The following HECW2 variants were observed in gnomAD, a reference collection of about 807,000 sequenced individuals.
HECW2 encodes the protein E3 ubiquitin-protein ligase HECW2.
Under a neutral mutation model 175.2 loss-of-function variants are expected in HECW2, and 61 were observed. The observed-to-expected ratio is 0.35, with a 90% CI of 0.28 to 0.43. HECW2 has a LOEUF of 0.43. Ranked by LOEUF, HECW2 falls within the 20% of genes least tolerant of loss-of-function variation. The pLI is 1.00. For synonymous variants in HECW2, 671 were observed against 731.0 expected, an observed-to-expected ratio of 0.92 and a Z score of 1.32; for missense variants, 1,524 against 2,000.5, an observed-to-expected ratio of 0.76 and a Z score of 4.54.
At chr2:196,230,551 G>GTGAGAATTCCTTCTCTAC (rs1426351353) in intron 21 of HECW2, among the ~76,000 whole-genome samples, 1 of 152,106 alleles carries the variant, frequency 6.6e-6, no homozygotes, top group Non-Finnish European at 1.5e-5. Flanking sequence ...CAGGGCAGGG[G>GTGAGAATTCCTTCTCTAC]TGAGAATTCC....
intron 1 of HECW2, among the ~76,000 whole-genome samples, chr2:196,510,623 C>T (rs1406484987): frequency 2.6e-5 from 4 of 151,608 alleles, no homozygotes; most frequent in Non-Finnish European, 5.9e-5. Context: ...TTCCATCCCT[C>T]AATACTAAAG....
chr2:196,361,779 G>A, intron 2 of HECW2: 1 of 982,314 alleles, frequency 1.0e-6, no homozygotes, highest in Non-Finnish European at 1.2e-6. Flanking sequence ...AGTGACAGTG[G>A]AATTCATTCC....
At chr2:196,556,101 A>C (rs1559173980) in intron 1 of HECW2, among the ~76,000 whole-genome samples, 1 of 152,178 alleles carries the variant, frequency 6.6e-6, no homozygotes, top group Non-Finnish European at 1.5e-5. Flanking sequence ...GCACAGTTTT[A>C]ATTTTATTTG....
intron 12 of HECW2, 24 bp downstream of exon 12, chr2:196,307,105 CA>C: frequency 6.6e-7 from 1 of 1,519,372 alleles, no homozygotes; most frequent in Non-Finnish European, 9.1e-7. Flanking sequence ...TATGAAATTA[CA>C]AAAACAAAGC....
At chr2:196,283,543 C>T (rs1376475525) in intron 14 of HECW2, among the ~76,000 whole-genome samples, 1 of 151,778 alleles carries the variant, frequency 6.6e-6, no homozygotes, top group Non-Finnish European at 1.5e-5. Flanking sequence ...GCTACCACAC[C>T]TAATTTTTTG....
At chr2:196,282,936 G>T (rs1690241289) in intron 14 of HECW2, among the ~76,000 whole-genome samples, 1 of 151,986 alleles carries the variant, frequency 6.6e-6, no homozygotes, top group East Asian at 1.9e-4. Context: ...TTTATTTTTG[G>T]TTTACAAAAT....
At chr2:196,279,755 C>G (rs1315571661) in intron 14 of HECW2, among the ~76,000 whole-genome samples, 1 of 152,162 alleles carries the variant, frequency 6.6e-6, no homozygotes, top group Non-Finnish European at 1.5e-5. Flanking sequence ...TCATCACATA[C>G]CGTCTAGAAC....
At chr2:196,494,920 C>G (rs529018290) in intron 1 of HECW2, among the ~76,000 whole-genome samples, 1 of 152,148 alleles carries the variant, frequency 6.6e-6, no homozygotes, top group Non-Finnish European at 1.5e-5. Flanking sequence ...TCTGTAGTCT[C>G]CAACAATCAT....
chr2:196,292,308 G>C, intron 14 of HECW2: 1 of 413,770 alleles, frequency 2.4e-6, no homozygotes, highest in Admixed American at 4.0e-5. Flanking sequence ...AGAGATGACA[G>C]GTAGGAGAGT....
At chr2:196,342,330 G>C (rs1427915902) in intron 3 of HECW2, among the ~76,000 whole-genome samples, 1 of 151,402 alleles carries the variant, frequency 6.6e-6, no homozygotes, top group Non-Finnish European at 1.5e-5. Context: ...CTTGAACCCG[G>C]GAGGCGGAGG....
chr2:196,411,879 G>A (rs760235659), intron 2 of HECW2, among the ~76,000 whole-genome samples: 4 of 152,154 alleles, frequency 2.6e-5, no homozygotes, highest in African/African-American at 7.2e-5. Flanking sequence ...GTGTAGTGGC[G>A]CACACCTGTA....
intron 3 of HECW2, among the ~76,000 whole-genome samples, chr2:196,341,887 G>A (rs924569604): frequency 7.2e-5 from 11 of 152,210 alleles, no homozygotes; most frequent in African/African-American, 2.7e-4. Context: ...AACCTTTTAA[G>A]ATAACTGTGT....
At chr2:196,575,905 C>T (rs887654560) in intron 1 of HECW2, among the ~76,000 whole-genome samples, 6 of 151,404 alleles carry the variant, frequency 4.0e-5, no homozygotes, top group East Asian at 1.9e-4. Context: ...TCATCACCAA[C>T]GGGAGGGCAC....
chr2:196,209,582 C>T (rs1687189192), intron 28 of HECW2, among the ~76,000 whole-genome samples: 1 of 152,072 alleles, frequency 6.6e-6, no homozygotes, highest in South Asian at 2.1e-4. Flanking sequence ...ACAGAGCAGA[C>T]CACTGTATGA....
intron 1 of HECW2, among the ~76,000 whole-genome samples, chr2:196,520,214 T>C (rs1187972521): frequency 1.3e-5 from 2 of 152,122 alleles, no homozygotes; most frequent in Non-Finnish European, 2.9e-5. Context: ...GGGTAAAGTA[T>C]ATTAAAACTC....
At chr2:196,508,124 T>C (rs7598141) in intron 1 of HECW2, among the ~76,000 whole-genome samples, 20,908 of 152,258 alleles carry the variant, frequency 0.14, 1,508 homozygotes, top group Middle Eastern at 0.24. Flanking sequence ...TGCAACTGTC[T>C]TTAAAAGAGT....
chr2:196,449,954 C>T (rs1244176930), intron 1 of HECW2, among the ~76,000 whole-genome samples: 3 of 152,168 alleles, frequency 2.0e-5, no homozygotes, highest in Non-Finnish European at 4.4e-5. Context: ...AATATTAGCA[C>T]TCCTTGTCTC....
intron 1 of HECW2, among the ~76,000 whole-genome samples, chr2:196,573,991 G>C (rs1028100085): frequency 6.6e-6 from 1 of 151,574 alleles, no homozygotes; most frequent in Non-Finnish European, 1.5e-5. Flanking sequence ...GACCAGCCTG[G>C]GTAATACAGT....
intron 2 of HECW2, among the ~76,000 whole-genome samples, chr2:196,367,937 T>C (rs1693793585): frequency 6.6e-6 from 1 of 151,726 alleles, no homozygotes; most frequent in Non-Finnish European, 1.5e-5. Flanking sequence ...TAGATACATA[T>C]ATATATGAGA....
Sources: gnomAD v4.1 joint callset for allele counts (sites outside exome capture counted in the v4.1 genomes callset) on GRCh38, gnomAD v4.1.1 for gene constraint, MANE v1.5 for transcripts, NCBI Gene and HGNC (gene_info 2026-07-23, HGNC 2026-07-21) for gene names.